The following GABRG3 variants were observed in gnomAD, a reference collection of about 807,000 sequenced individuals.
The protein encoded by GABRG3 is gamma-aminobutyric acid type A receptor subunit gamma3.
A neutral mutation model predicts 48.8 loss-of-function variants in GABRG3; 25 were observed. That is an observed-to-expected ratio of 0.51 (90% CI 0.37 to 0.72). The LOEUF is 0.72. Among genes scored for constraint, GABRG3 ranks in the 30% least tolerant of loss-of-function variants. The pLI is 0.00. For missense variants in GABRG3, 394 were observed against 577.9 expected (o/e 0.68, Z 3.26); for synonymous variants, 227 against 217.6 (o/e 1.04, Z -0.38).
intron 3 of GABRG3, among the ~76,000 whole-genome samples, chr15:27,089,694 C>T (rs957692279): frequency 3.3e-5 from 5 of 152,122 alleles, no homozygotes; most frequent in South Asian, 2.1e-4. Flanking sequence ...TGTGGTCATG[C>T]GAAGGGAGGA....
At chr15:27,484,637 T>G (rs1001891650) in intron 6 of GABRG3, among the ~76,000 whole-genome samples, 1 of 152,096 alleles carries the variant, frequency 6.6e-6, no homozygotes, top group Non-Finnish European at 1.5e-5. Flanking sequence ...CAGGGCTCCT[T>G]GGAGAAGTGG....
In GABRG3 at chr15:27,473,507, G is replaced by A. The variant is rs984295585; in HGVS notation, c.575-7143G>A. Among the ~76,000 whole-genome samples the A allele has an allele frequency of 6.6e-5, 10 of 152,254 alleles. 1 individual carries two copies. Among genetic ancestry groups the A allele is most frequent in the Admixed American group, 3.9e-4 (6 of 15,290 alleles). On this transcript the variant is annotated intron_variant, in intron 5 of 9. Transcript: ENST00000615808. ...TTGACCAGCCACTGAAATTATAAAC[G>A]TCTGGTCCAAAAATCATTGATAGTT... is the stretch of plus-strand genomic sequence containing the variant.
chr15:27,065,438 G>T (rs558858063), intron 3 of GABRG3, among the ~76,000 whole-genome samples: 5 of 152,236 alleles, frequency 3.3e-5, no homozygotes, highest in African/African-American at 1.2e-4. Context: ...CTGGTTGGTC[G>T]GATGTTTCCC....
intron 3 of GABRG3, among the ~76,000 whole-genome samples, chr15:27,175,613 C>T (rs1479121226): frequency 6.6e-6 from 1 of 152,176 alleles, no homozygotes; most frequent in African/African-American, 2.4e-5. Flanking sequence ...AGACATGAGG[C>T]TCTCACGGGG....
chr15:27,002,073 T>A (rs534551868), intron 2 of GABRG3, among the ~76,000 whole-genome samples: 2 of 152,294 alleles, frequency 1.3e-5, no homozygotes, highest in Middle Eastern at 6.8e-3. Flanking sequence ...CTTCAACTTT[T>A]AAAATATTCC....
chr15:27,252,310 C>G (rs562646425), intron 3 of GABRG3, among the ~76,000 whole-genome samples: 1 of 152,290 alleles, frequency 6.6e-6, no homozygotes, highest in Non-Finnish European at 1.5e-5. Flanking sequence ...GTGTCTGGCT[C>G]CCGAGGTCCT....
intron 6 of GABRG3, among the ~76,000 whole-genome samples, chr15:27,508,684 TTTTTG>T (rs932816962): frequency 6.6e-6 from 1 of 152,114 alleles, no homozygotes; most frequent in Non-Finnish European, 1.5e-5. Context: ...CCCTCAGTTT[TTTTTG>T]TTTTGTTTTG....
At chr15:27,390,664 A>G (rs1473027497) in intron 5 of GABRG3, among the ~76,000 whole-genome samples, 1 of 152,198 alleles carries the variant, frequency 6.6e-6, no homozygotes, top group Non-Finnish European at 1.5e-5. Context: ...TCAGAGCCAG[A>G]GATCACTCCA....
intron 3 of GABRG3, among the ~76,000 whole-genome samples, chr15:27,149,090 A>G (rs1898262552): frequency 6.6e-6 from 1 of 152,102 alleles, no homozygotes; most frequent in Non-Finnish European, 1.5e-5. Context: ...TCTTGCATAT[A>G]AAAAATTAAG....
chr15:27,491,111 C>T (rs1015162693), intron 6 of GABRG3, among the ~76,000 whole-genome samples: 1 of 152,188 alleles, frequency 6.6e-6, no homozygotes, highest in Non-Finnish European at 1.5e-5. Flanking sequence ...CAGGGGTGCT[C>T]TCATGCCCTC....
At chr15:27,252,895 G>A (rs549992710) in intron 3 of GABRG3, among the ~76,000 whole-genome samples, 27 of 152,308 alleles carry the variant, frequency 1.8e-4, no homozygotes, top group African/African-American at 5.8e-4. Context: ...TCCAACACCG[G>A]CTTTGTTGTA....
intron 3 of GABRG3, among the ~76,000 whole-genome samples, chr15:27,050,516 G>T (rs1301333872): frequency 6.6e-6 from 1 of 152,106 alleles, no homozygotes; most frequent in Non-Finnish European, 1.5e-5. Flanking sequence ...CATCTCAGGG[G>T]ATCTTAGGAG....
At chr15:26,988,990 G>T (rs992861681) in intron 2 of GABRG3, among the ~76,000 whole-genome samples, 13 of 152,008 alleles carry the variant, frequency 8.6e-5, no homozygotes, top group Non-Finnish European at 1.8e-4. Flanking sequence ...TCACAATATT[G>T]TGCAGCCATA....
intron 3 of GABRG3, among the ~76,000 whole-genome samples, chr15:27,307,134 G>C (rs986195291): frequency 2.4e-5 from 3 of 127,554 alleles, no homozygotes; most frequent in African/African-American, 9.5e-5. Context: ...ATATAAACAT[G>C]TTTATACATA....
chr15:27,502,228 A>T (rs1319370778), intron 6 of GABRG3, among the ~76,000 whole-genome samples: 1 of 152,238 alleles, frequency 6.6e-6, no homozygotes, highest in Non-Finnish European at 1.5e-5. Flanking sequence ...TATCATTGTT[A>T]TTCAATGAAT....
rs1296756636 is a variant in GABRG3, at chr15:27,533,423, C to A, written c.*542C>A. The A allele has an allele frequency of 6.5e-6, 1 of 154,068 alleles. No homozygotes were observed. Among genetic ancestry groups the A allele is most frequent in the Admixed American group, 6.4e-5 (1 of 15,522 alleles). 9.5% of individuals were successfully genotyped at this position (154,068 alleles called of 1,614,324 possible). A position where few individuals can be genotyped will look rare whatever the true frequency, so the allele number is the denominator to read the frequency against. ...CTCTGTGGCCTCTCTGGCTCCAGCA[C>A]CATCATCGTTAGCTGGCACTCCTTT... On this transcript the variant is annotated 3_prime_UTR_variant, in exon 10 of 10. Coordinates refer to ENST00000615808, the MANE Select transcript of GABRG3 (RefSeq NM_033223.5).
At chr15:26,996,495 TTCTC>T (rs995102910) in intron 2 of GABRG3, among the ~76,000 whole-genome samples, 8 of 152,086 alleles carry the variant, frequency 5.3e-5, no homozygotes, top group African/African-American at 1.4e-4. Flanking sequence ...TTCCAAGATT[TTCTC>T]TCTGTGTTTC....
chr15:27,465,122 G>T, intron 5 of GABRG3, among the ~76,000 whole-genome samples: 1 of 152,228 alleles, frequency 6.6e-6, no homozygotes, highest in Admixed American at 6.5e-5. Flanking sequence ...CAAGGGTGAT[G>T]AAGCTGCTGC....
rs916349955 is a variant in GABRG3 at position 27,192,980 on chromosome 15, A to C, written c.271-133829A>C. On this transcript the variant is annotated intron_variant, in intron 3 of 9. Transcript: ENST00000615808. ...GTCTGTTGGAGTTTGCTAGAGGTCC[A>C]CTCCAGACCCTGTTTGCCTGGGTAT... 2.9e-3 allele frequency among the ~76,000 whole-genome samples: 447 copies of C among 152,206 alleles called. 4 individuals carry two copies. The highest frequency in any genetic ancestry group is 0.01 in the African/African-American group (420 of 41,526).
Sources: gnomAD v4.1 joint callset for allele counts (sites outside exome capture counted in the v4.1 genomes callset) on GRCh38, gnomAD v4.1.1 for gene constraint, MANE v1.5 for transcripts, NCBI Gene and HGNC (gene_info 2026-07-23, HGNC 2026-07-21) for gene names.